Variants in NRXN3 observed in about 807,000 individuals in gnomAD.
The protein encoded by NRXN3 is neurexin 3.
In NRXN3, 32 loss-of-function variants were observed where a neutral mutation model predicts 137.6. That is an observed-to-expected ratio of 0.23 (90% CI 0.18 to 0.31). The LOEUF (loss-of-function observed/expected upper bound fraction) is 0.31. NRXN3 is among the 10% of genes least tolerant of loss of function. NRXN3 has a pLI of 1.00. For synonymous variants in NRXN3, 798 were observed against 784.5 expected (o/e 1.02, Z -0.29); for missense variants, 1,574 against 2,062.5 (o/e 0.76, Z 4.59).
intron 19 of NRXN3, among the ~76,000 whole-genome samples, chr14:79,745,339 C>T (rs942903306): frequency 1.3e-5 from 2 of 152,112 alleles, no homozygotes; most frequent in African/African-American, 4.8e-5. Flanking sequence ...AATAGCTCTT[C>T]TTCTACGTCA....
chr14:79,159,639 T>C (rs1216474994), intron 15 of NRXN3, among the ~76,000 whole-genome samples: 1 of 151,870 alleles, frequency 6.6e-6, no homozygotes, highest in East Asian at 1.9e-4. Context: ...TGATTTATTT[T>C]GGCCATCGTC....
At chr14:79,689,056 AT>A (rs1195319258) in intron 17 of NRXN3, among the ~76,000 whole-genome samples, 2 of 152,030 alleles carry the variant, frequency 1.3e-5, no homozygotes, top group Non-Finnish European at 2.9e-5. Flanking sequence ...AAGTTATTAC[AT>A]TTTTTTCTCT....
At chr14:78,939,915 A>G (rs10873319) in intron 10 of NRXN3, among the ~76,000 whole-genome samples, 18,711 of 152,244 alleles carry the variant, frequency 0.12, 2,354 homozygotes, top group East Asian at 0.44. Context: ...AATCCATTCT[A>G]TAAGTTCCAT....
chr14:79,135,131 A>G (rs2058087879), intron 15 of NRXN3, among the ~76,000 whole-genome samples: 1 of 152,152 alleles, frequency 6.6e-6, no homozygotes, highest in Non-Finnish European at 1.5e-5. Context: ...CATCTTGACT[A>G]AAATATTTTA....
intron 15 of NRXN3, among the ~76,000 whole-genome samples, chr14:79,270,659 T>C (rs1272605936): frequency 6.6e-6 from 1 of 152,118 alleles, no homozygotes; most frequent in East Asian, 1.9e-4. Flanking sequence ...ATGTGGCAAG[T>C]GTGAACAGAA....
intron 10 of NRXN3, among the ~76,000 whole-genome samples, chr14:78,868,810 A>T (rs949462842): frequency 6.6e-6 from 1 of 151,982 alleles, no homozygotes; most frequent in Admixed American, 6.6e-5. Flanking sequence ...AAAAAAAGCG[A>T]AACTCCATCT....
intron 4 of NRXN3, among the ~76,000 whole-genome samples, chr14:78,505,102 A>AT (rs1480078129): frequency 6.6e-5 from 10 of 152,188 alleles, no homozygotes; most frequent in African/African-American, 2.4e-4. Context: ...GAATGGGTCA[A>AT]TATCAAACAA....
At chr14:78,323,600 A>G (rs573688141) in intron 4 of NRXN3, among the ~76,000 whole-genome samples, 1 of 152,198 alleles carries the variant, frequency 6.6e-6, no homozygotes, top group Admixed American at 6.5e-5. Flanking sequence ...ATACTGTGGC[A>G]GGGGAATAGA....
At chr14:78,315,834 T>C (rs1163482739) in intron 4 of NRXN3, among the ~76,000 whole-genome samples, 1 of 151,136 alleles carries the variant, frequency 6.6e-6, no homozygotes, top group Non-Finnish European at 1.5e-5. Context: ...AAGACAATAA[T>C]AGGAGTACAT....
At chr14:78,846,884 A>C (rs1392687080) in intron 10 of NRXN3, among the ~76,000 whole-genome samples, 1 of 152,034 alleles carries the variant, frequency 6.6e-6, no homozygotes, top group African/African-American at 2.4e-5. Flanking sequence ...TCAGTGAAAC[A>C]CTGTGCCTAG....
At chr14:79,262,963 T>C (rs543026674) in intron 15 of NRXN3, among the ~76,000 whole-genome samples, 2 of 152,082 alleles carry the variant, frequency 1.3e-5, no homozygotes, top group African/African-American at 4.8e-5. Flanking sequence ...CAGCTGGAGG[T>C]TAGGGGATTT....
chr14:78,707,513 A>G (rs1330893020), intron 6 of NRXN3, among the ~76,000 whole-genome samples: 4 of 152,220 alleles, frequency 2.6e-5, no homozygotes, highest in Non-Finnish European at 5.9e-5. Flanking sequence ...GAGAAAGATT[A>G]ATTTCTGCTT....
chr14:79,735,679 G>T lies in NRXN3; in HGVS notation c.4014+37742G>T, dbSNP rs186665767. The stretch of plus-strand genomic sequence containing the variant: ...AGAAAAATGACTAGAAGAGAACAGG[G>T]TTATAAAGCATCCAGACATTTCCCA... On this transcript the variant is annotated intron_variant, in intron 19 of 20. Coordinates refer to ENST00000335750, the MANE Select transcript of NRXN3 (RefSeq NM_001330195.2). 2.6e-5 allele frequency among the ~76,000 whole-genome samples: 4 copies of T among 152,272 alleles called. No individual in the cohort carries two copies. In the South Asian group the frequency reaches 6.2e-4, roughly 24 times the overall value.
intron 8 of NRXN3, among the ~76,000 whole-genome samples, chr14:78,797,609 C>T (rs2098825995): frequency 6.6e-6 from 1 of 151,944 alleles, no homozygotes; most frequent in Non-Finnish European, 1.5e-5. Flanking sequence ...GTCCAAAAAC[C>T]TAAATGAAAA....
chr14:79,479,169 C>G (rs1017385907), intron 16 of NRXN3, among the ~76,000 whole-genome samples: 2 of 152,088 alleles, frequency 1.3e-5, no homozygotes, highest in African/African-American at 4.8e-5. Flanking sequence ...ACTTAGGTTA[C>G]TAAACTTTTT....
chr14:78,378,253 G>A (rs1014070971), intron 4 of NRXN3, among the ~76,000 whole-genome samples: 2 of 152,220 alleles, frequency 1.3e-5, no homozygotes, highest in Non-Finnish European at 2.9e-5. Context: ...GGGAGGCCGA[G>A]GTGGATGGAT....
chr14:79,311,735 G>C (rs2087351341), intron 15 of NRXN3, among the ~76,000 whole-genome samples: 1 of 72,852 alleles, frequency 1.4e-5, no homozygotes, highest in Non-Finnish European at 2.6e-5. Flanking sequence ...GGTGTTTGTA[G>C]TATTCTCTGA....
chr14:79,481,275 T>C (rs1351456143), intron 16 of NRXN3, among the ~76,000 whole-genome samples: 2 of 152,222 alleles, frequency 1.3e-5, no homozygotes, highest in East Asian at 3.9e-4. Flanking sequence ...TTTGTTTTCA[T>C]CTTTGTATTT....
intron 4 of NRXN3, among the ~76,000 whole-genome samples, chr14:78,513,939 CT>C (rs1198178403): frequency 6.6e-6 from 1 of 152,114 alleles, no homozygotes; most frequent in Non-Finnish European, 1.5e-5. Context: ...ACTGGTCTTT[CT>C]TAAGGCATGT....
Sources: gnomAD v4.1 joint callset for allele counts (sites outside exome capture counted in the v4.1 genomes callset) on GRCh38, gnomAD v4.1.1 for gene constraint, MANE v1.5 for transcripts, NCBI Gene and HGNC (gene_info 2026-07-23, HGNC 2026-07-21) for gene names.